Variants in EPX observed in about 807,000 individuals in gnomAD.
The protein encoded by EPX is eosinophil peroxidase.
A neutral mutation model predicts 73.0 loss-of-function variants in EPX; 60 were observed. The ratio of observed to expected loss-of-function variants is 0.82; its 90% CI spans 0.67 to 1.02. The LOEUF (loss-of-function observed/expected upper bound fraction) is 1.02, where lower values mean the gene tolerates loss of function less well. Ranked by LOEUF, EPX falls within the 50% of genes least tolerant of loss-of-function variation. The pLI, the probability that EPX is intolerant of heterozygous loss-of-function variation, is 0.00. For missense variants in EPX, 950 were observed against 973.9 expected, an observed-to-expected ratio of 0.98 and a Z score of 0.33; for synonymous variants, 347 against 389.2, an observed-to-expected ratio of 0.89 and a Z score of 1.28.
At position 58,197,046 on chromosome 17, in the gene EPX, C is replaced by G. The variant is rs138295034; in HGVS notation, c.909C>G (p.Asn303Lys). The change falls in exon 7 of 13, where the codon AAC (asparagine) becomes AAG (lysine). Residue 303 changes from asparagine (N) to lysine (K), a missense_variant. Asn to Lys is a moderately conservative substitution (Grantham distance 94). Transcript: ENST00000225371. ...QNKNRVRNQI[N>K]ALTSFVDASM... The stretch of plus-strand genomic sequence containing the variant: ...AGAACAGAGTCCGCAACCAGATCAA[C>G]GCGCTCACCTCCTTTGTGGACGCCA... 1 of 1,614,192 alleles carries G rather than the reference C, an allele frequency of 6.2e-7. No individual in the cohort carries two copies. Among genetic ancestry groups the G allele is most frequent in the Non-Finnish European group, 8.5e-7 (1 of 1,180,024 alleles).
At chr17:58,196,653 C>T (rs150482380) in intron 6 of EPX, among the ~76,000 whole-genome samples, 10 of 152,298 alleles carry the variant, frequency 6.6e-5, no homozygotes, top group African/African-American at 2.4e-4. Context: ...ACCTTTCCTG[C>T]TAACTGGTTG....
At position 58,194,978 on chromosome 17, in the gene EPX, CA is replaced by C; in HGVS notation, c.611del (p.Asn204ThrfsTer11). 6.2e-7 allele frequency: 1 copy of C among 1,614,044 alleles called. No homozygotes were observed. On this transcript the variant is annotated frameshift_variant, in exon 6 of 13. Transcript: ENST00000225371. LOFTEE classifies it high-confidence loss of function. ...TTCCCCACCAGGTCCGGGCTGTCTC[CA>C]ACCAGATTGTGCGCTTCCCCAATGA... ...FLLPLVRAVS[N>X]QIVRFPNERL...
At chr17:58,193,592 G>A (rs1968209601) in intron 3 of EPX, 46 bp downstream of exon 3, 2 of 1,600,016 alleles carry the variant, frequency 1.2e-6, no homozygotes, top group Non-Finnish European at 1.7e-6. Context: ...CTGGCCTGGA[G>A]TAGAAGGAAT....
At position 58,199,700 on chromosome 17, in the gene EPX, G is replaced by T. The variant is rs1162427920; in HGVS notation, c.1443G>T (p.Met481Ile). The T allele has an allele frequency of 3.7e-6, 6 of 1,614,258 alleles. No homozygotes were observed. The East Asian group carries it at 1.3e-4, about 36-fold the overall frequency. Reference sequence around the variant, plus strand: ...GCCACACAATGCTCCAGCCCTTCATGTTCCGCTTGGACAGTCAGTACCGGG... The same window carrying T: ...GCCACACAATGCTCCAGCCCTTCATTTTCCGCTTGGACAGTCAGTACCGGG... The part of the protein sequence containing the change: ...RFGHTMLQPF[M>I]FRLDSQYRAS... Residue 481 changes from methionine to isoleucine, a missense_variant, in exon 9 of 13, where the codon ATG becomes ATT. Transcript: ENST00000225371.
chr17:58,195,162 C>T lies in EPX; in HGVS notation c.793C>T (p.Pro265Ser). The T allele has an allele frequency of 6.2e-7, 1 of 1,613,362 alleles. No individual in the cohort carries two copies. Among genetic ancestry groups the T allele is most frequent in the Non-Finnish European group, 8.5e-7 (1 of 1,179,484 alleles). The change falls in exon 6 of 13, where the codon CCC becomes TCC. Residue 265 changes from proline (P) to serine (S), a missense_variant. Transcript: ENST00000225371. The stretch of plus-strand genomic sequence containing the variant: ...CTGCGCCCAGCTGCCCCCCTGCTTT[C>T]CCATCAAGGTACCTACCCTCAGCCA... ...RTCAQLPPCF[P>S]IKIPPNDPRI...
intron 7 of EPX, 32 bp from the exon 8 acceptor site, chr17:58,199,008 G>A (rs774595958): frequency 4.2e-5 from 68 of 1,610,564 alleles, no homozygotes; most frequent in Non-Finnish European, 5.6e-5. Context: ...TCTGGGAAAG[G>A]CTGCAGTAAA....
Position 58,197,176 on chromosome 17 carries a change from G to A in EPX, c.1039G>A (p.Ala347Thr), listed in dbSNP as rs1411065628. 2.5e-6 allele frequency: 4 copies of A among 1,614,018 alleles called. No individual in the cohort carries two copies. In the East Asian group the frequency reaches 8.9e-5, roughly 36 times the overall value. ...INQRFQDNGR[A>T]LLPFDNLHDD... Reference sequence around the variant, plus strand: ...CCAGCGCTTTCAAGACAACGGCCGGGCCCTGCTGCCCTTCGACAACCTGCA... The same window carrying A: ...CCAGCGCTTTCAAGACAACGGCCGGACCCTGCTGCCCTTCGACAACCTGCA... The change falls in exon 7 of 13, where the codon GCC becomes ACC. Residue 347 changes from alanine to threonine, a missense_variant. Ala to Thr is a moderately conservative substitution (Grantham distance 58). Transcript: ENST00000225371.
In EPX at chr17:58,199,788, T is replaced by A. The variant is rs1459760763; in HGVS notation, c.1531T>A (p.Tyr511Asn). Reference sequence around the variant, plus strand: ...CTTCTTTGCCAGCTGGCGGATCGTGTATGAAGGTGACCAGGTTTTCCAGGG... The same window carrying A: ...CTTCTTTGCCAGCTGGCGGATCGTGAATGAAGGTGACCAGGTTTTCCAGGG... ...SAFFASWRIV[Y>N]EGGIDPILRG... Residue 511 changes from tyrosine to asparagine, a missense_variant, in exon 9 of 13, where the codon TAT becomes AAT. Coordinates refer to ENST00000225371, the MANE Select transcript of EPX (RefSeq NM_000502.6). The A allele has an allele frequency of 6.2e-7, 1 of 1,609,222 alleles. No individual in the cohort carries two copies.
At chr17:58,199,002 G>A in intron 7 of EPX, 38 bp from the exon 8 acceptor site, 4 of 1,609,202 alleles carry the variant, frequency 2.5e-6, no homozygotes, top group Non-Finnish European at 3.4e-6. Flanking sequence ...CATTTCTCTG[G>A]GAAAGGCTGC....
At position 58,193,486 on chromosome 17, in the gene EPX, G is replaced by A; in HGVS notation, c.286G>A (p.Ala96Thr). 6.2e-7 allele frequency: 1 copy of A among 1,614,206 alleles called. No individual in the cohort carries two copies. The highest frequency in any genetic ancestry group is 8.5e-7 in the Non-Finnish European group (1 of 1,180,024). ...VVRAADYMHV[A>T]LGLLEEKLQP... ...TCGGGCCGCAGATTATATGCATGTG[G>A]CTTTGGGGCTGCTTGAAGAGAAGTT... is the stretch of plus-strand genomic sequence containing the variant. The change falls in exon 3 of 13, where the codon GCT becomes ACT. Residue 96 changes from alanine (A) to threonine (T), a missense_variant. Coordinates refer to ENST00000225371, the MANE Select transcript of EPX (RefSeq NM_000502.6).
chr17:58,193,332 C>A, intron 2 of EPX, 39 bp from the exon 3 acceptor site: 1 of 1,609,136 alleles, frequency 6.2e-7, no homozygotes, highest in Non-Finnish European at 8.5e-7. Flanking sequence ...GGTGGGTCTG[C>A]ACCCTCTCTC....
intron 7 of EPX, among the ~76,000 whole-genome samples, chr17:58,198,222 A>T (rs1968288697): frequency 1.3e-5 from 2 of 152,222 alleles, no homozygotes; most frequent in African/African-American, 2.4e-5. Flanking sequence ...TTACGATAAG[A>T]AACTGAGACT....
intron 8 of EPX, 80 bp from the exon 9 acceptor site, chr17:58,199,453 AAAGAAT>A (rs1968307605): frequency 6.9e-7 from 1 of 1,458,346 alleles, no homozygotes; most frequent in African/African-American, 1.4e-5. Flanking sequence ...TGATGACAAT[AAAGAAT>A]ATGTCTGAGC....
At position 58,194,062 on chromosome 17, in the gene EPX, C is replaced by A. The variant is rs1379823821; in HGVS notation, c.564C>A (p.Ser188Arg). 3.1e-6 allele frequency: 5 copies of A among 1,613,376 alleles called. No individual in the cohort carries two copies. Among genetic ancestry groups the A allele is most frequent in the Non-Finnish European group, 3.4e-6 (4 of 1,180,004 alleles). Reference sequence around the variant, plus strand: ...CGCTCCCCTTCGGCTGGACCCCCAGCAGGAGGCGCAATGGCTTCCTTCTCC... The same window carrying A: ...CGCTCCCCTTCGGCTGGACCCCCAGAAGGAGGCGCAATGGCTTCCTTCTCC... The part of the protein sequence containing the change: ...GLSLPFGWTP[S>R]RRRNGFLLPL... Residue 188 changes from serine (S) to arginine (R), a missense_variant, in exon 5 of 13, where the codon AGC becomes AGA. By Grantham distance (110) the Ser-to-Arg change is moderately radical. Coordinates refer to ENST00000225371, the MANE Select transcript of EPX (RefSeq NM_000502.6).
Position 58,199,607 on chromosome 17 carries a change from C to CTCCTGGGTACTCAGGGGTACTCAGGAGG in EPX, c.1351_1352insCCTGGGTACTCAGGGGTACTCAGGAGGT (p.Tyr451SerfsTer59). 6.2e-7 allele frequency: 1 copy of CTCCTGGGTACTCAGGGGTACTCAGGAGG among 1,614,098 alleles called. No individual in the cohort carries two copies. Among genetic ancestry groups the CTCCTGGGTACTCAGGGGTACTCAGGAGG allele is most frequent in the Non-Finnish European group, 8.5e-7 (1 of 1,179,934 alleles). On this transcript the variant is annotated frameshift_variant, in exon 9 of 13. Transcript: ENST00000225371. LOFTEE classifies it high-confidence loss of function. ...CCCGGGCCAGGAGAACCCTGGGGCACTACAGGGGGTACTGCTCCAATGTGG... is the reference window on the plus strand; with the variant it reads ...CCCGGGCCAGGAGAACCCTGGGGCACTCCTGGGTACTCAGGGGTACTCAGGAGGTACAGGGGGTACTGCTCCAATGTGG...
At chr17:58,193,582 C>T in intron 3 of EPX, 36 bp downstream of exon 3, 7 of 1,609,050 alleles carry the variant, frequency 4.4e-6, no homozygotes, top group Non-Finnish European at 6.0e-6. Flanking sequence ...TGGGCCTACC[C>T]TGGCCTGGAG....
intron 8 of EPX, 99 bp from the exon 9 acceptor site, chr17:58,199,440 A>G: frequency 1.5e-6 from 2 of 1,359,794 alleles, no homozygotes; most frequent in Non-Finnish European, 2.1e-6. Flanking sequence ...GTCACATTTG[A>G]CGTGATGACA....
At position 58,193,945 on chromosome 17, in the gene EPX, T is replaced by A. The variant is rs765262486; in HGVS notation, c.465-18T>A. ...CCAGGCCCTGCCCCCTGCTAACCTA[T>A]CCCACCCATGGCTGCAGGAGGAGAC... On this transcript the variant is annotated intron_variant, in intron 4 of 12. Transcript: ENST00000225371. 3.1e-6 allele frequency: 5 copies of A among 1,612,610 alleles called. No homozygotes were observed. The highest frequency in any genetic ancestry group is 4.2e-6 in the Non-Finnish European group (5 of 1,179,980).
rs768176390 is a variant in EPX, at chr17:58,199,591, G to A, written c.1334G>A (p.Arg445Lys). ...CTGGTTCTGGGCAAGGCCCGGGCCA[G>A]GAGAACCCTGGGGCACTACAGGGGG... The part of the protein sequence containing the change: ...LPLVLGKARA[R>K]RTLGHYRGYC... Residue 445 changes from arginine to lysine, a missense_variant, in exon 9 of 13, where the codon AGG (arginine) becomes AAG (lysine). Coordinates refer to ENST00000225371, the MANE Select transcript of EPX (RefSeq NM_000502.6). 8.1e-6 allele frequency: 13 copies of A among 1,614,058 alleles called. No homozygotes were observed. The East Asian group carries it at 2.7e-4, about 33-fold the overall frequency.
Sources: gnomAD v4.1 joint callset for allele counts (sites outside exome capture counted in the v4.1 genomes callset) on GRCh38, gnomAD v4.1.1 for gene constraint, MANE v1.5 for transcripts, NCBI Gene and HGNC (gene_info 2026-07-23, HGNC 2026-07-21) for gene names.